The following VWA8 variants were observed in gnomAD, a reference collection of about 807,000 sequenced individuals.
VWA8 encodes von Willebrand factor A domain containing 8.
In VWA8, 221 loss-of-function variants were observed where a neutral mutation model predicts 241.5. That is an observed-to-expected ratio of 0.91 (90% CI 0.82 to 1.02). The LOEUF (loss-of-function observed/expected upper bound fraction) is 1.02, where lower values mean the gene tolerates loss of function less well. VWA8 is among the 50% of genes least tolerant of loss of function. The pLI is 0.00. For synonymous variants in VWA8, 852 were observed against 827.1 expected (o/e 1.03, Z -0.52); for missense variants, 2,322 against 2,328.7 (o/e 1.00, Z 0.06).
At chr13:41,898,049 C>T (rs933747349) in intron 4 of VWA8, among the ~76,000 whole-genome samples, 5 of 152,128 alleles carry the variant, frequency 3.3e-5, no homozygotes, top group Non-Finnish European at 5.9e-5. Context: ...CTCCAAGGCC[C>T]CACCAGAATA....
At position 41,587,514 on chromosome 13, in the gene VWA8, G is replaced by A. The variant is rs914757297; in HGVS notation, c.5269C>T (p.Gln1757Ter). ...EAFENYEEKF[Q>*]YDIVGHSGDG... ...TTATTCTTAGTTCATGTCATTACCT[G>A]GAACTTCTCCTCATAGTTCTCGAAG... The change falls in exon 42 of 45, where the codon CAG becomes TAG. Residue 1757 changes from glutamine (Q) to a stop codon, truncating the protein, a stop_gained and splice_region_variant. Coordinates refer to ENST00000379310, the MANE Select transcript of VWA8 (RefSeq NM_015058.2). LOFTEE classifies it high-confidence loss of function. The A allele has an allele frequency of 5.6e-6, 9 of 1,613,894 alleles. No homozygotes were observed. Among genetic ancestry groups the A allele is most frequent in the Non-Finnish European group, 6.8e-6 (8 of 1,180,016 alleles).
intron 2 of VWA8, among the ~76,000 whole-genome samples, chr13:41,917,038 C>CTA (rs1876292627): frequency 6.6e-6 from 1 of 152,102 alleles, no homozygotes; most frequent in Non-Finnish European, 1.5e-5. Flanking sequence ...TCATACTGGC[C>CTA]TAAATCCCTG....
At chr13:41,930,767 C>T (rs938711480) in intron 2 of VWA8, among the ~76,000 whole-genome samples, 11 of 152,092 alleles carry the variant, frequency 7.2e-5, no homozygotes, top group Non-Finnish European at 1.3e-4. Context: ...CCCGCAATGT[C>T]GCAAATATTC....
chr13:41,951,617 C>T (rs1878143788), intron 1 of VWA8, among the ~76,000 whole-genome samples: 1 of 152,166 alleles, frequency 6.6e-6, no homozygotes, highest in Admixed American at 6.5e-5. Context: ...ATACCATTTG[C>T]ATCTAGAATT....
intron 4 of VWA8, among the ~76,000 whole-genome samples, chr13:41,901,034 T>A (rs1346669701): frequency 6.6e-6 from 1 of 151,706 alleles, no homozygotes; most frequent in Non-Finnish European, 1.5e-5. Context: ...GGGCACACAG[T>A]AAACCTTAAA....
intron 15 of VWA8, among the ~76,000 whole-genome samples, chr13:41,818,512 G>A (rs1372888159): frequency 6.6e-6 from 1 of 150,620 alleles, no homozygotes; most frequent in Non-Finnish European, 1.5e-5. Context: ...AAGTTTCAGT[G>A]AGCCGAGATC....
rs1870843573 is a variant in VWA8, at chr13:41,819,309, T to C, written c.1778A>G (p.Gln593Arg). ...EPPVIGSTAH[Q>R]WLGPEFLTMF... is the part of the protein sequence containing the mutation. The stretch of plus-strand genomic sequence containing the variant: ...GGTTAAGAATTCTGGTCCCAGCCAC[T>C]GGTGTGCTGTGCTTCCAATAACAGG... The change falls in exon 15 of 45, where the codon CAG becomes CGG. Residue 593 changes from glutamine to arginine, a missense_variant. Transcript: ENST00000379310. 6.2e-7 allele frequency: 1 copy of C among 1,613,516 alleles called. No individual in the cohort carries two copies. Among genetic ancestry groups the C allele is most frequent in the Non-Finnish European group, 8.5e-7 (1 of 1,179,892 alleles).
At chr13:41,748,353 C>T (rs1458706739) in intron 21 of VWA8, among the ~76,000 whole-genome samples, 2 of 152,122 alleles carry the variant, frequency 1.3e-5, no homozygotes, top group Admixed American at 6.6e-5. Context: ...AGGAATTTAT[C>T]CATTTCTTCT....
At chr13:41,853,112 A>G (rs1455487739) in intron 12 of VWA8, among the ~76,000 whole-genome samples, 3 of 152,036 alleles carry the variant, frequency 2.0e-5, no homozygotes, top group Admixed American at 6.6e-5. Flanking sequence ...ATCTTTTGTG[A>G]TTTGGGTACA....
chr13:41,659,150 C>T (rs2139693634), intron 37 of VWA8, among the ~76,000 whole-genome samples: 1 of 152,354 alleles, frequency 6.6e-6, no homozygotes, highest in East Asian at 1.9e-4. Flanking sequence ...TCAGTAACAA[C>T]ATCACCCATC....
Position 41,587,611 on chromosome 13 carries a change from G to A in VWA8, c.5172C>T (p.Ser1724=), listed in dbSNP as rs757203363. The A allele has an allele frequency of 3.2e-5, 51 of 1,614,070 alleles. 1 individual carries two copies. In the South Asian group the frequency reaches 5.5e-4, roughly 17 times the overall value. The stretch of plus-strand genomic sequence containing the variant: ...CATCCATCCTGTTGAAACGGTACAT[G>A]CTACCAGACACATCTACCACCAGGC... ...RLRLVVDVSG[S]MYRFNRMDGR... is the part of the protein sequence containing the mutation. Residue 1724 remains serine, a synonymous_variant, in exon 42 of 45, where the codon AGC becomes AGT. Transcript: ENST00000379310.
chr13:41,937,206 G>A (rs146075307), intron 2 of VWA8, among the ~76,000 whole-genome samples: 124 of 152,204 alleles, frequency 8.1e-4, no homozygotes, highest in African/African-American at 2.8e-3. Context: ...TCCACAGACT[G>A]GGGGGAGGGA....
At chr13:41,926,466 T>A in intron 2 of VWA8, 1 of 524,754 alleles carries the variant, frequency 1.9e-6, no homozygotes, top group Non-Finnish European at 3.8e-6. Context: ...GCGCTGGACA[T>A]GAGAATTGCT....
intron 21 of VWA8, among the ~76,000 whole-genome samples, chr13:41,752,243 C>T (rs2045661742): frequency 6.6e-6 from 1 of 152,096 alleles, no homozygotes; most frequent in South Asian, 2.1e-4. Flanking sequence ...CTCTGTGCTC[C>T]ACTTAGAAAA....
At chr13:41,695,559 T>A (rs1352086231) in intron 29 of VWA8, among the ~76,000 whole-genome samples, 1 of 152,206 alleles carries the variant, frequency 6.6e-6, no homozygotes, top group East Asian at 1.9e-4. Context: ...GCTGTTCACA[T>A]GGAATTTTAC....
At chr13:41,866,348 C>CAAA (rs971802530) in intron 10 of VWA8, among the ~76,000 whole-genome samples, 89 of 141,898 alleles carry the variant, frequency 6.3e-4, no homozygotes, top group African/African-American at 2.2e-3. Flanking sequence ...GACTCTGTCC[C>CAAA]AAAAAAAAAA....
chr13:41,592,474 AAAAATAAAAT>A (rs200016975), intron 40 of VWA8, among the ~76,000 whole-genome samples: 7 of 148,706 alleles, frequency 4.7e-5, no homozygotes, highest in African/African-American at 1.5e-4. Context: ...TAATAATAAA[AAAAATAAAAT>A]AAAATAAAAT....
chr13:41,639,393 T>A (rs1427515780), intron 37 of VWA8, among the ~76,000 whole-genome samples: 1 of 152,166 alleles, frequency 6.6e-6, no homozygotes, highest in African/African-American at 2.4e-5. Context: ...GTTCCTGAAT[T>A]TCCCAAACAA....
chr13:41,824,654 C>T (rs1353994786), intron 14 of VWA8, among the ~76,000 whole-genome samples: 1 of 151,642 alleles, frequency 6.6e-6, no homozygotes, highest in African/African-American at 2.4e-5. Flanking sequence ...ATAGAGAGAC[C>T]ACCATCTCTA....
Sources: gnomAD v4.1 joint callset for allele counts (sites outside exome capture counted in the v4.1 genomes callset) on GRCh38, gnomAD v4.1.1 for gene constraint, MANE v1.5 for transcripts, NCBI Gene and HGNC (gene_info 2026-07-23, HGNC 2026-07-21) for gene names.